The following GK5 variants were observed in gnomAD, a reference collection of about 807,000 sequenced individuals.
The protein encoded by GK5 is glycerol kinase 5, also known as ATP:glycerol 3-phosphotransferase 5.
A neutral mutation model predicts 77.3 loss-of-function variants in GK5; 39 were observed. The ratio of observed to expected loss-of-function variants is 0.50; its 90% CI spans 0.39 to 0.66. The LOEUF is 0.66. Among genes scored for constraint, GK5 ranks in the 30% least tolerant of loss-of-function variants. The probability of loss-of-function intolerance (pLI) is 0.00; values close to 1 mark genes in which losing one functional copy is unlikely to be tolerated. For missense variants in GK5, 487 were observed against 633.8 expected (o/e 0.77, Z 2.49); for synonymous variants, 211 against 208.0 (o/e 1.01, Z -0.13).
intron 11 of GK5, among the ~76,000 whole-genome samples, chr3:142,178,405 T>C (rs1457623046): frequency 1.3e-5 from 2 of 152,044 alleles, no homozygotes; most frequent in African/African-American, 4.8e-5. Flanking sequence ...ACCAAGACAA[T>C]TAATTTAGTA....
intron 15 of GK5, among the ~76,000 whole-genome samples, chr3:142,166,732 G>A (rs1292356182): frequency 3.3e-5 from 5 of 152,198 alleles, no homozygotes; most frequent in East Asian, 1.9e-4. Context: ...ACGTGGTTTC[G>A]CCATGTTGGC....
At chr3:142,172,221 T>C (rs2063548909) in intron 13 of GK5, 132 bp downstream of exon 13, 1 of 493,146 alleles carries the variant, frequency 2.0e-6, no homozygotes, top group African/African-American at 1.9e-5. Context: ...TATTACATAA[T>C]ATATAGTATC....
intron 13 of GK5, among the ~76,000 whole-genome samples, chr3:142,171,736 ATCTATTACCATTC>A (rs2063542702): frequency 6.6e-6 from 1 of 152,130 alleles, no homozygotes; most frequent in Non-Finnish European, 1.5e-5. Flanking sequence ...ACTAAATTTT[ATCTATTACCATTC>A]TACAAAGAAA....
intron 15 of GK5, among the ~76,000 whole-genome samples, chr3:142,167,749 C>T (rs1273384794): frequency 2.6e-5 from 4 of 152,166 alleles, no homozygotes; most frequent in South Asian, 2.1e-4. Context: ...CAGAGGCTCA[C>T]GCCTGTGATC....
chr3:142,186,911 G>A (rs529441521), intron 6 of GK5, among the ~76,000 whole-genome samples: 34 of 152,222 alleles, frequency 2.2e-4, no homozygotes, highest in Admixed American at 5.9e-4. Context: ...GATTACAGAC[G>A]TAAACCACCG....
At chr3:142,180,361 G>A (rs1293869146) in intron 11 of GK5, among the ~76,000 whole-genome samples, 1 of 151,280 alleles carries the variant, frequency 6.6e-6, no homozygotes, top group African/African-American at 2.4e-5. Context: ...GGAGTGCAAT[G>A]GCGTGATCTC....
intron 1 of GK5, among the ~76,000 whole-genome samples, chr3:142,218,377 CAAAAAA>C (rs35885439): frequency 7.9e-6 from 1 of 126,076 alleles, no homozygotes; most frequent in African/African-American, 3.0e-5. Context: ...TACTAAAATA[CAAAAAA>C]AAAAAAAAAA....
intron 1 of GK5, among the ~76,000 whole-genome samples, chr3:142,219,520 C>T (rs2064314909): frequency 6.6e-6 from 1 of 152,098 alleles, no homozygotes; most frequent in African/African-American, 2.4e-5. Flanking sequence ...CTCAAAAAGA[C>T]AAGACTGTGT....
At chr3:142,167,139 C>T (rs1465901044) in intron 15 of GK5, among the ~76,000 whole-genome samples, 1 of 152,106 alleles carries the variant, frequency 6.6e-6, no homozygotes, top group African/African-American at 2.4e-5. Flanking sequence ...TTTGGGAAGC[C>T]GAGGCGGGCA....
chr3:142,172,307 G>A (rs1489085516), intron 13 of GK5, 46 bp downstream of exon 13: 4 of 827,842 alleles, frequency 4.8e-6, no homozygotes, highest in Non-Finnish European at 7.9e-6. Flanking sequence ...TGAAAGACAT[G>A]GCAATATTCT....
Position 142,186,504 on chromosome 3 carries a change from T to C in GK5, c.629A>G (p.Tyr210Cys), listed in dbSNP as rs2063773105. 6.6e-7 allele frequency: 1 copy of C among 1,524,930 alleles called. No individual in the cohort carries two copies. The highest frequency in any genetic ancestry group is 8.9e-7 in the Non-Finnish European group (1 of 1,121,212). 94.5% of individuals were successfully genotyped at this position (1,524,930 alleles called of 1,614,324 possible). A position where few individuals can be genotyped will look rare whatever the true frequency, so the allele number is the denominator to read the frequency against. ...LLYKLTKGSV[Y>C]ATDFSNASTT... is the part of the protein sequence containing the mutation. ...ACTAGCATTTGAAAAATCTGTGGCA[T>C]ATACAGAACCTAAATTTAAATAGGA... Residue 210 changes from tyrosine (Y) to cysteine (C), a missense_variant, in exon 7 of 16, where the codon TAT becomes TGT. Transcript: ENST00000392993.
At position 142,213,553 on chromosome 3, in the gene GK5, T is replaced by C. The variant is rs766586862; in HGVS notation, c.290A>G (p.Gln97Arg). 6.2e-7 allele frequency: 1 copy of C among 1,611,854 alleles called. No homozygotes were observed. The highest frequency in any genetic ancestry group is 2.2e-5 in the East Asian group (1 of 44,872). ...NQIVGLGIST[Q>R]RATFITWNKK... ...GTTCCACGTAATAAAAGTTGCTCTC[T>C]GTGTTGAAATGCCAAGACCAACAAT... Residue 97 changes from glutamine (Q) to arginine (R), a missense_variant, in exon 3 of 16, where the codon CAG (glutamine) becomes CGG (arginine). Gln to Arg is a conservative substitution (Grantham distance 43). Coordinates refer to ENST00000392993, the MANE Select transcript of GK5 (RefSeq NM_001039547.3).
At chr3:142,215,327 G>A (rs367702362) in intron 2 of GK5, among the ~76,000 whole-genome samples, 1 of 152,158 alleles carries the variant, frequency 6.6e-6, no homozygotes, top group East Asian at 1.9e-4. Context: ...AATCAAAACA[G>A]CACTAGCTAT....
In GK5 at chr3:142,160,291, G is replaced by T. The variant is rs2063416463; in HGVS notation, c.*5331C>A. 1 of 152,142 alleles carries T rather than the reference G, an allele frequency of 6.6e-6. No homozygotes were observed. Among genetic ancestry groups the T allele is most frequent in the South Asian group, 2.1e-4 (1 of 4,816 alleles). 9.4% of individuals were successfully genotyped at this position (152,142 alleles called of 1,614,324 possible). A position where few individuals can be genotyped will look rare whatever the true frequency, so the allele number is the denominator to read the frequency against. Reference sequence around the variant, plus strand: ...AGGTGTGAACCACCACGCTTATCCTGGGGCTTTTAATTCTTACTGAAAATC... The same window carrying T: ...AGGTGTGAACCACCACGCTTATCCTTGGGCTTTTAATTCTTACTGAAAATC... On this transcript the variant is annotated 3_prime_UTR_variant, in exon 16 of 16. Coordinates refer to ENST00000392993, the MANE Select transcript of GK5 (RefSeq NM_001039547.3).
rs1577099895 is a variant in GK5 at position 142,163,717 on chromosome 3, T to G, written c.*1905A>C. 1 of 152,046 alleles carries G rather than the reference T, an allele frequency of 6.6e-6. No homozygotes were observed. Among genetic ancestry groups the G allele is most frequent in the East Asian group, 1.9e-4 (1 of 5,190 alleles). The allele number at this position is 152,046 out of a possible 1,614,324, so 9.4% of individuals were successfully genotyped here. ...TTCCTATGAAATTACACCCATTGGC[T>G]GGGTGCAGTGGTTCACGGCTGCAAT... On this transcript the variant is annotated 3_prime_UTR_variant, in exon 16 of 16. Coordinates refer to ENST00000392993, the MANE Select transcript of GK5 (RefSeq NM_001039547.3).
At position 142,163,092 on chromosome 3, in the gene GK5, T is replaced by C. The variant is rs1024381550; in HGVS notation, c.*2530A>G. ...AAAGCAAATGTGGTCATGTTTCTGATTTTAGTTAAGTCCAAAAATATTTAT... is the reference window on the plus strand; with the variant it reads ...AAAGCAAATGTGGTCATGTTTCTGACTTTAGTTAAGTCCAAAAATATTTAT... On this transcript the variant is annotated 3_prime_UTR_variant, in exon 16 of 16. Transcript: ENST00000392993. 3.3e-5 allele frequency: 5 copies of C among 152,098 alleles called. No individual in the cohort carries two copies. The highest frequency in any genetic ancestry group is 3.3e-4 in the Admixed American group (5 of 15,260). The allele number at this position is 152,098 out of a possible 1,614,324, so 9.4% of individuals were successfully genotyped here. A position where few individuals can be genotyped will look rare whatever the true frequency, so the allele number is the denominator to read the frequency against.
intron 3 of GK5, among the ~76,000 whole-genome samples, chr3:142,208,470 T>C (rs892020554): frequency 1.3e-5 from 2 of 152,216 alleles, no homozygotes; most frequent in Admixed American, 1.3e-4. Flanking sequence ...TTTTTGTATA[T>C]GGTATTAGGT....
At chr3:142,210,771 G>A (rs145279729) in intron 3 of GK5, among the ~76,000 whole-genome samples, 4 of 152,344 alleles carry the variant, frequency 2.6e-5, no homozygotes, top group African/African-American at 7.2e-5. Context: ...TAATGGTGAT[G>A]TATAGTCCTA....
chr3:142,182,918 C>A lies in GK5; in HGVS notation c.943+5G>T. The A allele has an allele frequency of 6.2e-7, 1 of 1,601,096 alleles. No individual in the cohort carries two copies. Among genetic ancestry groups the A allele is most frequent in the Non-Finnish European group, 8.6e-7 (1 of 1,168,594 alleles). ...TAATAAATAGGATAAATCCTAACTA[C>A]TTACCTCCAGTAGTCTGTTGAAGGC... On this transcript the variant is annotated splice_donor_5th_base_variant and intron_variant, in intron 10 of 15. Transcript: ENST00000392993.
Sources: gnomAD v4.1 joint callset for allele counts (sites outside exome capture counted in the v4.1 genomes callset) on GRCh38, gnomAD v4.1.1 for gene constraint, MANE v1.5 for transcripts, NCBI Gene and HGNC (gene_info 2026-07-23, HGNC 2026-07-21) for gene names.